NAV1: variants seen among roughly 807,000 people sequenced by gnomAD.
NAV1 encodes the protein pore membrane and/or filament interacting like protein 3.
A neutral mutation model predicts 175.2 loss-of-function variants in NAV1; 18 were observed. That is an observed-to-expected ratio of 0.10 (90% CI 0.07 to 0.15). NAV1 has a LOEUF of 0.15. NAV1 is among the 10% of genes least tolerant of loss of function. The pLI, the probability that NAV1 is intolerant of heterozygous loss-of-function variation, is 1.00. For missense variants in NAV1, 1,731 were observed against 2,436.6 expected (o/e 0.71, Z 6.10); for synonymous variants, 897 against 978.7 (o/e 0.92, Z 1.56).
intron 1 of NAV1, among the ~76,000 whole-genome samples, chr1:201,664,566 A>G (rs1372190721): frequency 6.6e-6 from 1 of 152,160 alleles, no homozygotes; most frequent in Non-Finnish European, 1.5e-5. Flanking sequence ...TTATATTACT[A>G]TCTCATTGTT....
intron 1 of NAV1, among the ~76,000 whole-genome samples, chr1:201,563,284 G>C (rs1348661596): frequency 6.6e-6 from 1 of 151,980 alleles, no homozygotes; most frequent in Non-Finnish European, 1.5e-5. Flanking sequence ...TCCGGACGCC[G>C]GGACCCAGCC....
intron 1 of NAV1, among the ~76,000 whole-genome samples, chr1:201,664,211 C>T (rs1298867829): frequency 6.6e-6 from 1 of 151,990 alleles, no homozygotes; most frequent in Non-Finnish European, 1.5e-5. Context: ...CGTGGTGGTG[C>T]GCGTCTTATA....
intron 13 of NAV1, chr1:201,790,978 C>T (rs1489462855): frequency 1.9e-5 from 11 of 573,704 alleles, no homozygotes; most frequent in Non-Finnish European, 3.4e-5. Context: ...TTTGCTTCTA[C>T]TCTAATTAAT....
At chr1:201,686,189 A>G (rs1325777672) in intron 1 of NAV1, among the ~76,000 whole-genome samples, 7 of 151,916 alleles carry the variant, frequency 4.6e-5, no homozygotes, top group African/African-American at 1.7e-4. Flanking sequence ...CCAGGCACCC[A>G]TCTTTAGCAC....
chr1:201,796,634 C>T (rs1194599262), intron 15 of NAV1: 1 of 152,086 alleles, frequency 6.6e-6, no homozygotes, highest in Non-Finnish European at 1.5e-5. Context: ...GCCCTTATAG[C>T]TCCACATTCT....
At chr1:201,664,348 A>G (rs1321750100) in intron 1 of NAV1, among the ~76,000 whole-genome samples, 1 of 152,208 alleles carries the variant, frequency 6.6e-6, no homozygotes, top group Non-Finnish European at 1.5e-5. Flanking sequence ...CTCAAAACAA[A>G]TAAACAAACA....
intron 1 of NAV1, among the ~76,000 whole-genome samples, chr1:201,583,450 G>A (rs1666928264): frequency 6.6e-6 from 1 of 152,242 alleles, no homozygotes; most frequent in South Asian, 2.1e-4. Flanking sequence ...TCTTTCTCAA[G>A]AGCAGCACCT....
intron 1 of NAV1, among the ~76,000 whole-genome samples, chr1:201,580,304 G>A (rs77668178): frequency 1.3e-5 from 2 of 152,170 alleles, no homozygotes; most frequent in African/African-American, 2.4e-5. Flanking sequence ...CTGGGTATCC[G>A]TTAATCCAAT....
chr1:201,568,927 G>A lies in NAV1; in HGVS notation c.-143-19612G>A, dbSNP rs150627033. Among the ~76,000 whole-genome samples, 339 of 152,232 alleles carry A rather than the reference G, an allele frequency of 2.2e-3. 3 individuals carry two copies. Among genetic ancestry groups the A allele is most frequent in the African/African-American group, 7.8e-3 (325 of 41,526 alleles). ...AGTGGGCTTGAATGGCAGGTCCTAG[G>A]GAGGAAGGTCAGACTGGGAAGGTCA... is the stretch of plus-strand genomic sequence containing the variant. On this transcript the variant is annotated intron_variant, in intron 1 of 33. Transcript: ENST00000685211.
At chr1:201,732,522 C>T (rs1672905232) in intron 3 of NAV1, among the ~76,000 whole-genome samples, 1 of 152,062 alleles carries the variant, frequency 6.6e-6, no homozygotes, top group Non-Finnish European at 1.5e-5. Context: ...GGTTAGTTTC[C>T]TGCTCTTGGG....
chr1:201,615,116 T>C (rs1667965158), intron 2 of NAV1, among the ~76,000 whole-genome samples: 1 of 152,190 alleles, frequency 6.6e-6, no homozygotes, highest in Non-Finnish European at 1.5e-5. Flanking sequence ...CCACTTTGCC[T>C]GGGAAGCCAC....
chr1:201,562,848 G>A (rs1026367866), intron 1 of NAV1, among the ~76,000 whole-genome samples: 1 of 152,194 alleles, frequency 6.6e-6, no homozygotes, highest in Non-Finnish European at 1.5e-5. Flanking sequence ...TAGGGAACCA[G>A]TGAGTCACCA....
At chr1:201,655,604 G>A (rs902093201) in intron 1 of NAV1, among the ~76,000 whole-genome samples, 9 of 152,202 alleles carry the variant, frequency 5.9e-5, no homozygotes, top group African/African-American at 2.2e-4. Flanking sequence ...GCGCCTTCAG[G>A]GTTCAGCTCC....
intron 3 of NAV1, among the ~76,000 whole-genome samples, chr1:201,766,181 C>T (rs1675200073): frequency 6.6e-6 from 1 of 152,102 alleles, no homozygotes; most frequent in African/African-American, 2.4e-5. Context: ...TTGGCAAAGC[C>T]TTAACTCAAA....
intron 3 of NAV1, among the ~76,000 whole-genome samples, chr1:201,757,042 C>T (rs1361349333): frequency 2.6e-5 from 4 of 151,656 alleles, no homozygotes; most frequent in Non-Finnish European, 4.4e-5. Context: ...TACTGTTATA[C>T]GGACCTATGC....
At chr1:201,602,336 T>A (rs112026268) in intron 2 of NAV1, among the ~76,000 whole-genome samples, 1,891 of 152,254 alleles carry the variant, frequency 0.012, 37 homozygotes, top group African/African-American at 0.043. Flanking sequence ...GTTTTTTTGT[T>A]TTTGTTTTTG....
At chr1:201,798,329 A>G (rs929612808) in intron 15 of NAV1, 3 of 152,148 alleles carry the variant, frequency 2.0e-5, no homozygotes, top group African/African-American at 7.2e-5. Flanking sequence ...GAGTAATCCA[A>G]TTATATCAGT....
At chr1:201,675,662 C>T (rs1342864363) in intron 1 of NAV1, among the ~76,000 whole-genome samples, 1 of 152,148 alleles carries the variant, frequency 6.6e-6, no homozygotes, top group African/African-American at 2.4e-5. Flanking sequence ...GTTACCTTTC[C>T]TGAAAGTGGG....
Position 201,740,434 on chromosome 1 carries a change from G to T in NAV1, c.1226+21679G>T, listed in dbSNP as rs1350200046. On this transcript the variant is annotated intron_variant, in intron 3 of 29. Coordinates refer to ENST00000367296, the Ensembl canonical transcript of NAV1. This position sits in a 1 kb window ranked among gnomAD's most constrained non-coding sequence, Gnocchi z 4.7. ...ACTTGATTGAACTTCGATGGTTGCG[G>T]CTGTGGCGCGTGGGGGCCCGGCCTG... Among the ~76,000 whole-genome samples the T allele has an allele frequency of 6.6e-6, 1 of 152,200 alleles. No homozygotes were observed. Among genetic ancestry groups the T allele is most frequent in the African/African-American group, 2.4e-5 (1 of 41,446 alleles).
Sources: gnomAD v4.1 joint callset for allele counts (sites outside exome capture counted in the v4.1 genomes callset) on GRCh38, gnomAD v4.1.1 for gene constraint, Gnocchi (gnomAD v3.1) non-coding constraint, MANE v1.5 for transcripts, NCBI Gene and HGNC (gene_info 2026-07-23, HGNC 2026-07-21) for gene names.